Variants in RBFOX1 observed in about 807,000 individuals in gnomAD.
The protein encoded by RBFOX1 is RNA binding protein fox-1 homolog 1.
In RBFOX1, 8 loss-of-function variants were observed where a neutral mutation model predicts 57.7. The observed-to-expected ratio is 0.14, with a 90% confidence interval of 0.08 to 0.25. The LOEUF (loss-of-function observed/expected upper bound fraction) is 0.25. RBFOX1 is among the 10% of genes least tolerant of loss of function. The pLI, the probability that RBFOX1 is intolerant of heterozygous loss-of-function variation, is 1.00. For missense variants in RBFOX1, 611 were observed against 548.5 expected, an observed-to-expected ratio of 1.11 and a Z score of -1.14; for synonymous variants, 326 against 222.4, an observed-to-expected ratio of 1.47 and a Z score of -4.15.
chr16:6,769,616 A>G (rs1005812510), intron 3 of RBFOX1, among the ~76,000 whole-genome samples: 1 of 152,188 alleles, frequency 6.6e-6, no homozygotes. Context: ...TCTCTATGGC[A>G]TCTCCAAATG....
At chr16:6,343,663 G>GT (rs1190263589) in intron 2 of RBFOX1, among the ~76,000 whole-genome samples, 2 of 152,164 alleles carry the variant, frequency 1.3e-5, no homozygotes, top group African/African-American at 4.8e-5. Flanking sequence ...TTTAAAAAGT[G>GT]TTTTTTGAAT....
At chr16:6,228,736 A>G (rs1260318452) in intron 1 of RBFOX1, among the ~76,000 whole-genome samples, 1 of 152,158 alleles carries the variant, frequency 6.6e-6, no homozygotes, top group Non-Finnish European at 1.5e-5. Flanking sequence ...TCTATTGTAC[A>G]ATATGGAGAA....
At chr16:5,334,877 C>T (rs1419313035) in intron 1 of RBFOX1, among the ~76,000 whole-genome samples, 1 of 151,774 alleles carries the variant, frequency 6.6e-6, no homozygotes, top group Non-Finnish European at 1.5e-5. Context: ...TAACCTGTTT[C>T]CTGTTTTAGT....
At chr16:6,951,382 A>G (rs1018116017) in intron 3 of RBFOX1, among the ~76,000 whole-genome samples, 1 of 152,168 alleles carries the variant, frequency 6.6e-6, no homozygotes. Context: ...TCACCCTAGT[A>G]TAATGGCTTA....
intron 2 of RBFOX1, among the ~76,000 whole-genome samples, chr16:6,355,229 C>T (rs1022425659): frequency 6.6e-6 from 1 of 152,154 alleles, no homozygotes; most frequent in African/African-American, 2.4e-5. Context: ...TGGTTTGCTG[C>T]ACTCATCAAC....
intron 1 of RBFOX1, among the ~76,000 whole-genome samples, chr16:6,283,452 G>T (rs1164668427): frequency 1.3e-5 from 2 of 152,102 alleles, no homozygotes; most frequent in African/African-American, 4.8e-5. Flanking sequence ...AGCAGATTCT[G>T]CCATTGAAGT....
At chr16:6,343,290 C>T (rs2084851694) in intron 2 of RBFOX1, among the ~76,000 whole-genome samples, 1 of 152,302 alleles carries the variant, frequency 6.6e-6, no homozygotes, top group East Asian at 1.9e-4. Flanking sequence ...GTGTCTTCCC[C>T]TACCCTGGTG....
At chr16:7,112,900 T>C (rs946168930) in intron 4 of RBFOX1, among the ~76,000 whole-genome samples, 3 of 152,118 alleles carry the variant, frequency 2.0e-5, no homozygotes, top group African/African-American at 7.2e-5. Context: ...ACTTACCTAA[T>C]TTAACTGATG....
chr16:6,025,569 A>AACAT (rs1567283438), intron 1 of RBFOX1, among the ~76,000 whole-genome samples: 1 of 151,944 alleles, frequency 6.6e-6, no homozygotes, highest in Non-Finnish European at 1.5e-5. Context: ...TTGACTGACA[A>AACAT]GTCTCCTGGG....
intron 3 of RBFOX1, among the ~76,000 whole-genome samples, chr16:6,673,471 C>G (rs376489743): frequency 1.4e-4 from 21 of 152,026 alleles, no homozygotes; most frequent in Non-Finnish European, 2.9e-4. Flanking sequence ...GCCTGTAATC[C>G]CAGCTACTGG....
chr16:7,500,508 T>C lies in RBFOX1; in HGVS notation c.28-17639T>C, dbSNP rs553764400. Among the ~76,000 whole-genome samples, 141 of 152,346 alleles carry C rather than the reference T, an allele frequency of 9.3e-4. 1 individual carries two copies. In the Middle Eastern group the frequency reaches 0.017, roughly 19 times the overall value. ...GATAGAAATGGAGGAAACGTAGATA[T>C]GCATCATGCATCTAAGCCTATTGTT... is the stretch of plus-strand genomic sequence containing the variant. On this transcript the variant is annotated intron_variant, in intron 4 of 15. Coordinates refer to ENST00000550418, the MANE Select transcript of RBFOX1 (RefSeq NM_018723.4).
intron 2 of RBFOX1, among the ~76,000 whole-genome samples, chr16:6,326,258 T>A (rs2082356620): frequency 6.6e-6 from 1 of 152,220 alleles, no homozygotes; most frequent in Non-Finnish European, 1.5e-5. Context: ...AATTTTGATT[T>A]TGGATTCTCG....
At chr16:7,635,560 A>G (rs180808913) in intron 11 of RBFOX1, among the ~76,000 whole-genome samples, 180 of 152,170 alleles carry the variant, frequency 1.2e-3, no homozygotes, top group African/African-American at 3.8e-3. Flanking sequence ...ACATACACAC[A>G]TGCAATGGTG....
At chr16:7,665,793 ATTTG>A (rs541600090) in intron 13 of RBFOX1, among the ~76,000 whole-genome samples, 3 of 152,332 alleles carry the variant, frequency 2.0e-5, no homozygotes, top group South Asian at 4.1e-4. Context: ...ATGGGATTAT[ATTTG>A]TTTTACAGAC....
Position 6,514,421 on chromosome 16 carries a change from C to T in RBFOX1, c.-63-140182C>T, listed in dbSNP as rs564075342. Reference sequence around the variant, plus strand: ...TGCCCACATGAATTGATGCTATGCTCCTTTAAGTGCCAGGTTTAGTCCCCT... The same window carrying T: ...TGCCCACATGAATTGATGCTATGCTTCTTTAAGTGCCAGGTTTAGTCCCCT... On this transcript the variant is annotated intron_variant, in intron 2 of 15. Coordinates refer to ENST00000550418, the MANE Select transcript of RBFOX1 (RefSeq NM_018723.4). Among the ~76,000 whole-genome samples the T allele has an allele frequency of 3.9e-5, 6 of 152,266 alleles. No individual in the cohort carries two copies. The South Asian group carries it at 1.2e-3, about 32-fold the overall frequency.
At chr16:5,868,202 C>T (rs1235941168) in intron 4 of RBFOX1, among the ~76,000 whole-genome samples, 1 of 152,230 alleles carries the variant, frequency 6.6e-6, no homozygotes, top group East Asian at 1.9e-4. Flanking sequence ...CGGTCACTCT[C>T]ACTCCTGAGC....
chr16:5,909,558 C>A (rs1244691098), intron 4 of RBFOX1, among the ~76,000 whole-genome samples: 1 of 152,196 alleles, frequency 6.6e-6, no homozygotes, highest in Non-Finnish European at 1.5e-5. Flanking sequence ...TAGACCACAG[C>A]AACAGTTGAT....
chr16:6,370,777 G>A (rs1343191871), intron 2 of RBFOX1, among the ~76,000 whole-genome samples: 1 of 152,138 alleles, frequency 6.6e-6, no homozygotes, highest in Non-Finnish European at 1.5e-5. Flanking sequence ...GCACAAGAAT[G>A]CAAATGTTCT....
At chr16:5,552,373 A>T (rs1256925357) in intron 2 of RBFOX1, among the ~76,000 whole-genome samples, 1 of 152,160 alleles carries the variant, frequency 6.6e-6, no homozygotes, top group Non-Finnish European at 1.5e-5. Context: ...TGAGCTCTTC[A>T]ATGACAGGCA....
Sources: allele counts gnomAD v4.1 joint callset (sites outside exome capture counted in the v4.1 genomes callset), GRCh38; gene constraint gnomAD v4.1.1; transcripts MANE v1.5; gene names NCBI Gene and HGNC (gene_info 2026-07-23, HGNC 2026-07-21).